The following MAGI2 variants were observed in gnomAD, a reference collection of about 807,000 sequenced individuals.
The protein encoded by MAGI2 is membrane associated guanylate kinase, WW and PDZ domain containing 2.
Under a neutral mutation model 133.3 loss-of-function variants are expected in MAGI2, and 35 were observed. The ratio of observed to expected loss-of-function variants is 0.26; its 90% confidence interval spans 0.20 to 0.35. The LOEUF (loss-of-function observed/expected upper bound fraction) is 0.35, where lower values mean the gene tolerates loss of function less well. MAGI2 is among the 10% of genes least tolerant of loss of function. The probability of loss-of-function intolerance (pLI) is 1.00; values close to 1 mark genes in which losing one functional copy is unlikely to be tolerated. For synonymous variants in MAGI2, 729 were observed against 710.6 expected, an observed-to-expected ratio of 1.03 and a Z score of -0.41; for missense variants, 1,636 against 1,863.4, an observed-to-expected ratio of 0.88 and a Z score of 2.25.
intron 2 of MAGI2, among the ~76,000 whole-genome samples, chr7:78,972,938 TACACACACACACACAC>T (rs3069435): frequency 4.7e-5 from 7 of 148,240 alleles, no homozygotes; most frequent in African/African-American, 1.5e-4. Flanking sequence ...TTGTTGCTTT[TACACACACACACACAC>T]ACACACACAC....
chr7:78,132,162 A>G (rs1295518202), intron 18 of MAGI2, among the ~76,000 whole-genome samples: 2 of 152,202 alleles, frequency 1.3e-5, no homozygotes, highest in Non-Finnish European at 2.9e-5. Context: ...GGCGTGAGCC[A>G]CCACACTGGC....
intron 6 of MAGI2, among the ~76,000 whole-genome samples, chr7:78,416,279 C>A (rs376884695): frequency 6.6e-6 from 1 of 151,906 alleles, no homozygotes; most frequent in Non-Finnish European, 1.5e-5. Context: ...GTGAGTTAGG[C>A]AGTGATATGG....
chr7:78,861,138 C>T (rs1228037277), intron 2 of MAGI2, among the ~76,000 whole-genome samples: 4 of 152,188 alleles, frequency 2.6e-5, no homozygotes, highest in Non-Finnish European at 5.9e-5. Context: ...CAGGTACCAT[C>T]TGTGAAGGCT....
At chr7:78,545,672 C>T (rs915976663) in intron 3 of MAGI2, among the ~76,000 whole-genome samples, 7 of 152,126 alleles carry the variant, frequency 4.6e-5, no homozygotes, top group African/African-American at 1.7e-4. Flanking sequence ...GTATTTTGTC[C>T]ACTCTGCTAA....
intron 3 of MAGI2, among the ~76,000 whole-genome samples, chr7:78,603,489 GAA>G (rs1805435198): frequency 6.6e-6 from 1 of 152,116 alleles, no homozygotes; most frequent in Non-Finnish European, 1.5e-5. Context: ...TTCAAGATTT[GAA>G]GCTTTCTTGA....
At chr7:78,766,648 A>G (rs1477057142) in intron 2 of MAGI2, among the ~76,000 whole-genome samples, 5 of 152,226 alleles carry the variant, frequency 3.3e-5, no homozygotes, top group African/African-American at 4.8e-5. Context: ...CAACTATTCT[A>G]ACTGTTCCTC....
At position 79,178,509 on chromosome 7, in the gene MAGI2, C is replaced by T. The variant is rs796677157; in HGVS notation, c.302-171303G>A. Among the ~76,000 whole-genome samples, 145 of 151,762 alleles carry T rather than the reference C, an allele frequency of 9.6e-4. 3 individuals carry two copies. The highest frequency in any genetic ancestry group is 3.2e-3 in the African/African-American group (131 of 41,294). ...TGTGGATCAACTGAGGTCAGGAGTT[C>T]GAGACCAGCCTGACCAATATGGTGA... On this transcript the variant is annotated intron_variant, in intron 1 of 21. Transcript: ENST00000354212.
At chr7:79,153,159 A>T (rs1372292331) in intron 1 of MAGI2, among the ~76,000 whole-genome samples, 1 of 152,176 alleles carries the variant, frequency 6.6e-6, no homozygotes, top group Non-Finnish European at 1.5e-5. Context: ...GCAAATAAAT[A>T]CCCAGGATAG....
intron 2 of MAGI2, among the ~76,000 whole-genome samples, chr7:78,779,893 C>T (rs1468894684): frequency 6.6e-6 from 1 of 152,170 alleles, no homozygotes; most frequent in Non-Finnish European, 1.5e-5. Context: ...GCTTAGGTGA[C>T]TTTCTCAAGG....
intron 10 of MAGI2, among the ~76,000 whole-genome samples, chr7:78,244,167 T>TAA (rs535442682): frequency 1.1e-3 from 73 of 68,828 alleles, no homozygotes; most frequent in African/African-American, 3.2e-3. Flanking sequence ...CTATTTAAAT[T>TAA]AAAAAAAAAA....
At chr7:78,588,126 C>T (rs534362105) in intron 3 of MAGI2, among the ~76,000 whole-genome samples, 2 of 152,182 alleles carry the variant, frequency 1.3e-5, no homozygotes, top group Non-Finnish European at 2.9e-5. Context: ...TGAACAACAT[C>T]GAGTGTCACA....
intron 1 of MAGI2, among the ~76,000 whole-genome samples, chr7:79,117,091 C>T (rs1411489411): frequency 6.6e-6 from 1 of 152,130 alleles, no homozygotes; most frequent in East Asian, 1.9e-4. Flanking sequence ...GCACATATGA[C>T]TTGAAGAATA....
intron 21 of MAGI2, among the ~76,000 whole-genome samples, chr7:78,034,555 T>C (rs991581349): frequency 1.3e-5 from 2 of 152,044 alleles, no homozygotes; most frequent in African/African-American, 4.8e-5. Flanking sequence ...TTAGATGGAG[T>C]CTCGCTCTGT....
At chr7:78,930,992 A>C (rs1800067054) in intron 2 of MAGI2, among the ~76,000 whole-genome samples, 1 of 152,118 alleles carries the variant, frequency 6.6e-6, no homozygotes, top group African/African-American at 2.4e-5. Context: ...GGAGGATGGA[A>C]AATATTGCTA....
At chr7:78,908,267 T>C (rs1798131535) in intron 2 of MAGI2, among the ~76,000 whole-genome samples, 1 of 152,238 alleles carries the variant, frequency 6.6e-6, no homozygotes, top group South Asian at 2.1e-4. Flanking sequence ...AATGTTGTCA[T>C]TATATTTGTT....
chr7:78,834,592 T>A (rs975319684), intron 2 of MAGI2, among the ~76,000 whole-genome samples: 1 of 152,208 alleles, frequency 6.6e-6, no homozygotes, highest in Non-Finnish European at 1.5e-5. Context: ...AGTTGATGCA[T>A]TTAGGTTGCT....
At chr7:79,036,028 G>T (rs1459521805) in intron 1 of MAGI2, among the ~76,000 whole-genome samples, 1 of 152,182 alleles carries the variant, frequency 6.6e-6, no homozygotes, top group African/African-American at 2.4e-5. Flanking sequence ...AGCACTCACA[G>T]GAAGAAGTGC....
At chr7:78,502,126 A>T (rs1169190061) in intron 4 of MAGI2, among the ~76,000 whole-genome samples, 1 of 152,194 alleles carries the variant, frequency 6.6e-6, no homozygotes, top group East Asian at 1.9e-4. Context: ...ATTACCTTAC[A>T]TGGCAAAAGA....
At chr7:78,674,751 C>G (rs1814804851) in intron 2 of MAGI2, among the ~76,000 whole-genome samples, 2 of 151,790 alleles carry the variant, frequency 1.3e-5, no homozygotes, top group Admixed American at 1.3e-4. Context: ...ATGTTAAGGC[C>G]CAAGAGAGCC....
Sources: allele counts gnomAD v4.1 joint callset (sites outside exome capture counted in the v4.1 genomes callset), GRCh38; gene constraint gnomAD v4.1.1; transcripts MANE v1.5; gene names NCBI Gene and HGNC (gene_info 2026-07-23, HGNC 2026-07-21).